ANPEP: variants seen among roughly 807,000 people sequenced by gnomAD.
The protein encoded by ANPEP is alanyl aminopeptidase, membrane.
Under a neutral mutation model 114.6 loss-of-function variants are expected in ANPEP, and 70 were observed. The observed-to-expected ratio is 0.61, with a 90% CI of 0.50 to 0.75. ANPEP has a LOEUF of 0.75. Among genes scored for constraint, ANPEP ranks in the 30% least tolerant of loss-of-function variants. The probability of loss-of-function intolerance (pLI) is 0.00; values close to 1 mark genes in which losing one functional copy is unlikely to be tolerated. For missense variants in ANPEP, 1,184 were observed against 1,259.5 expected (o/e 0.94, Z 0.91); for synonymous variants, 548 against 522.3 (o/e 1.05, Z -0.67).
At chr15:89,808,192 C>T (rs574201503) in intron 1 of ANPEP, among the ~76,000 whole-genome samples, 4 of 152,354 alleles carry the variant, frequency 2.6e-5, no homozygotes, top group African/African-American at 9.6e-5. Flanking sequence ...TCATCAAGCC[C>T]CAGGGCCTTG....
intron 15 of ANPEP, 53 bp downstream of exon 15, chr15:89,797,522 C>T (rs1350442108): frequency 6.3e-7 from 1 of 1,575,878 alleles, no homozygotes; most frequent in Non-Finnish European, 8.6e-7. Flanking sequence ...TAATAGTGCA[C>T]TTTCAGGCAC....
In ANPEP at chr15:89,806,139, CG is replaced by C. The variant is rs766752247; in HGVS notation, c.444del (p.Asp149ThrfsTer23). 8 of 1,613,968 alleles carry C rather than the reference CG, an allele frequency of 5.0e-6. No individual in the cohort carries two copies. The highest frequency in any genetic ancestry group is 6.8e-6 in the Non-Finnish European group (8 of 1,180,018). On this transcript the variant is annotated frameshift_variant, in exon 2 of 21. Coordinates refer to ENST00000300060, the MANE Select transcript of ANPEP (RefSeq NM_001150.3). LOFTEE classifies it high-confidence loss of function. This position sits in a 1 kb window ranked among gnomAD's most constrained non-coding sequence, Gnocchi z 5.7. Reference protein sequence around the residue: ...VLRGVGGSQPPDIDKTELVEP... With the variant: ...VLRGVGGSQPXDIDKTELVEP... ...TCCACCAGCTCAGTCTTGTCAATGTCGGGGGGCTGGGAGCCTCCCACACCAC... is the reference window on the plus strand; with the variant it reads ...TCCACCAGCTCAGTCTTGTCAATGTCGGGGGCTGGGAGCCTCCCACACCAC...
At chr15:89,791,599 A>C (rs28556743) in intron 18 of ANPEP, among the ~76,000 whole-genome samples, 1 of 135,278 alleles carries the variant, frequency 7.4e-6, no homozygotes, top group Non-Finnish European at 1.6e-5. Context: ...CACCATGCCT[A>C]TTTTTTTTTT....
In ANPEP at chr15:89,791,673, G is replaced by A. The variant is rs546454888; in HGVS notation, c.2528+487C>T. ...TCTCCATGTTGGCCAGGCTGGTCTC[G>A]AACTCCTGACCTCAGGTGATCCATC... On this transcript the variant is annotated intron_variant, in intron 18 of 20. Coordinates refer to ENST00000300060, the MANE Select transcript of ANPEP (RefSeq NM_001150.3). Among the ~76,000 whole-genome samples the A allele has an allele frequency of 1.4e-4, 21 of 149,804 alleles. No homozygotes were observed. In the East Asian group the frequency reaches 3.3e-3, roughly 24 times the overall value.
intron 1 of ANPEP, among the ~76,000 whole-genome samples, chr15:89,809,082 T>C (rs1894774494): frequency 6.6e-6 from 1 of 152,124 alleles, no homozygotes; most frequent in Non-Finnish European, 1.5e-5. Context: ...GGGGCAATCG[T>C]GCGAAATCAG....
intron 15 of ANPEP, among the ~76,000 whole-genome samples, chr15:89,793,921 C>T (rs1968680872): frequency 6.6e-6 from 1 of 152,114 alleles, no homozygotes; most frequent in Non-Finnish European, 1.5e-5. Flanking sequence ...AGCCCCACCC[C>T]ATGCTAGTAA....
In ANPEP at chr15:89,806,281, G is replaced by T; in HGVS notation, c.303C>A (p.Tyr101Ter). ...GGACGGTGCTGGAGCCCTTAAAAAC[G>T]TACAGGCCCCTGTCATTGGGGGTGA... is the stretch of plus-strand genomic sequence containing the variant. ...PYLTPNDRGL[Y>*]VFKGSSTVRF... The change falls in exon 2 of 21, where the codon TAC becomes TAA. Residue 101 changes from tyrosine (Y) to a stop codon, truncating the protein, a stop_gained. Coordinates refer to ENST00000300060, the MANE Select transcript of ANPEP (RefSeq NM_001150.3). LOFTEE classifies it high-confidence loss of function. This position sits in a 1 kb window ranked among gnomAD's most constrained non-coding sequence, Gnocchi z 5.7. 4 of 1,614,140 alleles carry T rather than the reference G, an allele frequency of 2.5e-6. No individual in the cohort carries two copies. The highest frequency in any genetic ancestry group is 3.4e-6 in the Non-Finnish European group (4 of 1,180,042).
chr15:89,802,211 C>T (rs1894608067), intron 10 of ANPEP, among the ~76,000 whole-genome samples: 1 of 152,088 alleles, frequency 6.6e-6, no homozygotes, highest in Non-Finnish European at 1.5e-5. Context: ...GGGGAGGAAC[C>T]AGCTGGGGGC....
Position 89,806,188 on chromosome 15 carries a change from G to A in ANPEP, c.396C>T (p.Ser132=), listed in dbSNP as rs1453730747. 6.2e-7 allele frequency: 1 copy of A among 1,614,138 alleles called. No individual in the cohort carries two copies. Residue 132 remains serine (S), a synonymous_variant, in exon 2 of 21, where the codon AGC becomes AGT. Transcript: ENST00000300060. This position sits in a 1 kb window ranked among gnomAD's most constrained non-coding sequence, Gnocchi z 5.7. ...IHSKKLNYTL[S]QGHRVVLRGV... Reference sequence around the variant, plus strand: ...CACGCAGGACCACCCTGTGCCCCTGGCTGAGGGTGTAGTTGAGCTTCTTGC... The same window carrying A: ...CACGCAGGACCACCCTGTGCCCCTGACTGAGGGTGTAGTTGAGCTTCTTGC...
At chr15:89,794,334 A>C (rs1230795570) in intron 15 of ANPEP, among the ~76,000 whole-genome samples, 3 of 151,888 alleles carry the variant, frequency 2.0e-5, no homozygotes, top group Admixed American at 1.3e-4. Flanking sequence ...AAATACAAAA[A>C]TTAGCCAGGC....
In ANPEP at chr15:89,785,605, T is replaced by C. The variant is rs886421742; in HGVS notation, c.2752-104A>G. 2.7e-6 allele frequency: 4 copies of C among 1,498,012 alleles called. No individual in the cohort carries two copies. The African/African-American group carries it at 5.5e-5, about 21-fold the overall frequency. The allele number at this position is 1,498,012 out of a possible 1,614,324, so 92.8% of individuals were successfully genotyped here. On this transcript the variant is annotated intron_variant, in intron 20 of 20. Transcript: ENST00000300060. ...TTCCACTCCCACTTTAGAGTCCCCA[T>C]GGATGGGACCACACCCTGTTCCAGG... is the stretch of plus-strand genomic sequence containing the variant.
Position 89,799,166 on chromosome 15 carries a change from G to T in ANPEP, c.2009+94C>A. 1.4e-6 allele frequency: 2 copies of T among 1,454,632 alleles called. No individual in the cohort carries two copies. The highest frequency in any genetic ancestry group is 1.4e-5 in the African/African-American group (1 of 72,032). The allele number at this position is 1,454,632 out of a possible 1,614,324, so 90.1% of individuals were successfully genotyped here. On this transcript the variant is annotated intron_variant, in intron 14 of 20. Coordinates refer to ENST00000300060, the MANE Select transcript of ANPEP (RefSeq NM_001150.3). This position sits in a 1 kb window ranked among gnomAD's most constrained non-coding sequence, Gnocchi z 4.2. ...TCAGGGCACAGCACGTGGCATATGGGAAGGGCAGCAGGAGGAGCAGGGGCC... is the reference window on the plus strand; with the variant it reads ...TCAGGGCACAGCACGTGGCATATGGTAAGGGCAGCAGGAGGAGCAGGGGCC...
In ANPEP at chr15:89,803,173, C is replaced by T; in HGVS notation, c.1569+66G>A. ...ACCCATTCTCTTACGCATGTGCTGC[C>T]CCCAGGTACCTTCAGCATCTCAAGA... On this transcript the variant is annotated intron_variant, in intron 10 of 20. Coordinates refer to ENST00000300060, the MANE Select transcript of ANPEP (RefSeq NM_001150.3). The surrounding 1 kb of genome is among the most constrained non-coding windows in gnomAD (Gnocchi z 4.2). 1.3e-6 allele frequency: 2 copies of T among 1,547,128 alleles called. No individual in the cohort carries two copies. Among genetic ancestry groups the T allele is most frequent in the South Asian group, 1.1e-5 (1 of 89,594 alleles).
chr15:89,798,408 AGGTGGATCACCTGAG>A (rs1287083507), intron 14 of ANPEP, among the ~76,000 whole-genome samples: 2 of 152,166 alleles, frequency 1.3e-5, no homozygotes, highest in African/African-American at 4.8e-5. Context: ...ATGGCAAGGC[AGGTGGATCACCTGAG>A]GTCAGGAGTT....
chr15:89,806,647 C>G lies in ANPEP; in HGVS notation c.-64G>C, dbSNP rs893466483. 1.8e-5 allele frequency: 26 copies of G among 1,476,378 alleles called. No homozygotes were observed. Among genetic ancestry groups the G allele is most frequent in the Non-Finnish European group, 2.2e-5 (25 of 1,112,870 alleles). The allele number at this position is 1,476,378 out of a possible 1,614,324, so 91.5% of individuals were successfully genotyped here. ...GGCAGAGAACGGAGCAGCCCCAGGC[C>G]GGGCTTATATCCCCAAAGGGGAGGA... On this transcript the variant is annotated 5_prime_UTR_variant, in exon 2 of 21. Transcript: ENST00000300060. This position sits in a 1 kb window ranked among gnomAD's most constrained non-coding sequence, Gnocchi z 5.7.
At chr15:89,807,464 G>C (rs935351682) in intron 1 of ANPEP, among the ~76,000 whole-genome samples, 1 of 152,232 alleles carries the variant, frequency 6.6e-6, no homozygotes, top group African/African-American at 2.4e-5. Flanking sequence ...ACTTTGGAAG[G>C]CCGAGGTGGG....
intron 1 of ANPEP, among the ~76,000 whole-genome samples, chr15:89,807,875 A>C (rs1233656199): frequency 1.3e-5 from 2 of 152,062 alleles, no homozygotes; most frequent in Non-Finnish European, 2.9e-5. Flanking sequence ...AGACCTCGAC[A>C]CCGCCTGACC....
intron 1 of ANPEP, among the ~76,000 whole-genome samples, chr15:89,809,154 C>T (rs950858735): frequency 9.9e-5 from 15 of 152,234 alleles, no homozygotes; most frequent in African/African-American, 2.9e-4. Flanking sequence ...CCAGCACATG[C>T]TGCCAGGCTC....
intron 1 of ANPEP, among the ~76,000 whole-genome samples, chr15:89,810,426 C>T (rs1454196424): frequency 6.6e-6 from 1 of 151,908 alleles, no homozygotes; most frequent in Admixed American, 6.6e-5. Flanking sequence ...ACAAAATTAG[C>T]TGGACGTGGT....
Sources: gnomAD v4.1 joint callset for allele counts (sites outside exome capture counted in the v4.1 genomes callset) on GRCh38, gnomAD v4.1.1 for gene constraint, Gnocchi (gnomAD v3.1) non-coding constraint, MANE v1.5 for transcripts, NCBI Gene and HGNC (gene_info 2026-07-23, HGNC 2026-07-21) for gene names.